Variants in DLGAP1 observed in about 807,000 individuals in gnomAD.
The protein encoded by DLGAP1 is DLG associated protein 1.
DLGAP1 carries 11 observed loss-of-function variants against 90.8 expected under a neutral mutation model. The ratio of observed to expected loss-of-function variants is 0.12; its 90% confidence interval spans 0.08 to 0.20. DLGAP1 has a LOEUF of 0.20. DLGAP1 is among the 10% of genes least tolerant of loss of function. DLGAP1 has a pLI of 1.00. For missense variants in DLGAP1, 1,050 were observed against 1,333.8 expected, an observed-to-expected ratio of 0.79 and a Z score of 3.31; for synonymous variants, 558 against 540.7, an observed-to-expected ratio of 1.03 and a Z score of -0.44.
At chr18:3,618,773 C>T (rs2057981242) in intron 7 of DLGAP1, among the ~76,000 whole-genome samples, 1 of 149,040 alleles carries the variant, frequency 6.7e-6, no homozygotes, top group South Asian at 2.2e-4. Flanking sequence ...CCCGTCTCTA[C>T]TAAAAATACA....
At chr18:3,948,285 G>A (rs1167529307) in intron 3 of DLGAP1, among the ~76,000 whole-genome samples, 2 of 151,574 alleles carry the variant, frequency 1.3e-5, no homozygotes, top group Non-Finnish European at 2.9e-5. Context: ...TGCTGTGAAT[G>A]ATGCCAGAGA....
chr18:3,974,689 T>C (rs1202216592), intron 3 of DLGAP1, among the ~76,000 whole-genome samples: 1 of 152,118 alleles, frequency 6.6e-6, no homozygotes, highest in Admixed American at 6.6e-5. Context: ...ATTGAAAACA[T>C]TCAATGTCAA....
At chr18:4,002,851 G>A (rs187204987) in intron 3 of DLGAP1, among the ~76,000 whole-genome samples, 58 of 152,244 alleles carry the variant, frequency 3.8e-4, no homozygotes, top group African/African-American at 1.3e-3. Context: ...ACAGTTCAGG[G>A]ATCTATTGAT....
intron 1 of DLGAP1, among the ~76,000 whole-genome samples, chr18:4,327,876 C>T (rs941758865): frequency 1.3e-5 from 2 of 151,914 alleles, no homozygotes; most frequent in Non-Finnish European, 2.9e-5. Context: ...TCAGTATATA[C>T]CATGCCGACA....
At chr18:3,874,646 T>G in intron 4 of DLGAP1, 1 of 1,535,524 alleles carries the variant, frequency 6.5e-7, no homozygotes, top group Non-Finnish European at 8.7e-7. Flanking sequence ...TTATTCCAAA[T>G]GTATAAGAGC....
chr18:3,615,722 T>C (rs1420907031), intron 7 of DLGAP1, among the ~76,000 whole-genome samples: 1 of 152,200 alleles, frequency 6.6e-6, no homozygotes, highest in Non-Finnish European at 1.5e-5. Context: ...GGAGACACCC[T>C]GACAGCCTGT....
At chr18:4,117,321 A>G (rs1425421101) in intron 2 of DLGAP1, among the ~76,000 whole-genome samples, 1 of 152,174 alleles carries the variant, frequency 6.6e-6, no homozygotes, top group Non-Finnish European at 1.5e-5. Flanking sequence ...ACAGGGTCAC[A>G]TTTTCCTATT....
chr18:4,250,415 A>G (rs2078756385), intron 1 of DLGAP1, among the ~76,000 whole-genome samples: 1 of 152,190 alleles, frequency 6.6e-6, no homozygotes. Context: ...GCTGTGTCAC[A>G]CTGTTCCTCT....
intron 2 of DLGAP1, among the ~76,000 whole-genome samples, chr18:4,129,504 G>T (rs2144191663): frequency 6.6e-6 from 1 of 152,256 alleles, no homozygotes; most frequent in Admixed American, 6.5e-5. Flanking sequence ...AATGAAACTT[G>T]TCAGAAGCAC....
chr18:3,899,018 G>A (rs1468201703), intron 3 of DLGAP1, among the ~76,000 whole-genome samples: 9 of 152,202 alleles, frequency 5.9e-5, no homozygotes, highest in Admixed American at 1.3e-4. Context: ...TTCAATTTCC[G>A]TATGGCCACT....
At position 3,989,875 on chromosome 18, in the gene DLGAP1, T is replaced by G. The variant is rs545533019; in HGVS notation, c.-73+15241A>C. Reference sequence around the variant, plus strand: ...GACATTTATGCAGCCAAAAGACACATGAAAAAATGCTCATCATCACTGGCC... The same window carrying G: ...GACATTTATGCAGCCAAAAGACACAGGAAAAAATGCTCATCATCACTGGCC... On this transcript the variant is annotated intron_variant, in intron 3 of 12. Transcript: ENST00000315677. Among the ~76,000 whole-genome samples, 281 of 152,056 alleles carry G rather than the reference T, an allele frequency of 1.8e-3. 1 individual carries two copies. The highest frequency in any genetic ancestry group is 3.2e-3 in the Non-Finnish European group (216 of 67,980).
At chr18:3,559,087 G>A (rs901436307) in intron 9 of DLGAP1, among the ~76,000 whole-genome samples, 1 of 152,124 alleles carries the variant, frequency 6.6e-6, no homozygotes, top group African/African-American at 2.4e-5. Flanking sequence ...GCTGAAAATG[G>A]CAAATCCTAG....
chr18:3,690,171 C>G (rs342506), intron 7 of DLGAP1, among the ~76,000 whole-genome samples: 3 of 147,472 alleles, frequency 2.0e-5, no homozygotes, highest in Non-Finnish European at 4.5e-5. Context: ...ACTGCGGACT[C>G]GAACTCCTGG....
At chr18:3,636,276 T>C (rs1470322070) in intron 7 of DLGAP1, among the ~76,000 whole-genome samples, 1 of 151,538 alleles carries the variant, frequency 6.6e-6, no homozygotes, top group Non-Finnish European at 1.5e-5. Flanking sequence ...GGCTGTCTTT[T>C]ACACCTTTCA....
chr18:4,121,116 G>C (rs555771576), intron 2 of DLGAP1, among the ~76,000 whole-genome samples: 27 of 152,146 alleles, frequency 1.8e-4, no homozygotes, highest in East Asian at 7.7e-4. Flanking sequence ...GGGTGTGTGA[G>C]GTGGGATAGA....
chr18:3,652,549 C>A (rs1401904095), intron 7 of DLGAP1, among the ~76,000 whole-genome samples: 2 of 152,108 alleles, frequency 1.3e-5, no homozygotes, highest in East Asian at 1.9e-4. Flanking sequence ...TGGCTCACGG[C>A]CGTCTTGAAC....
At chr18:3,912,094 A>G (rs903237168) in intron 3 of DLGAP1, among the ~76,000 whole-genome samples, 10 of 152,228 alleles carry the variant, frequency 6.6e-5, no homozygotes, top group African/African-American at 2.2e-4. Context: ...AAGAAACAAC[A>G]AAGGATTTAT....
chr18:4,007,039 G>A (rs1374061795), intron 2 of DLGAP1, among the ~76,000 whole-genome samples: 3 of 152,182 alleles, frequency 2.0e-5, no homozygotes, highest in Non-Finnish European at 2.9e-5. Flanking sequence ...CTGTAGTGAG[G>A]AGTGAATGGG....
At chr18:3,556,398 C>G (rs566696389) in intron 9 of DLGAP1, among the ~76,000 whole-genome samples, 15 of 152,300 alleles carry the variant, frequency 9.8e-5, no homozygotes, top group African/African-American at 3.6e-4. Context: ...TTTCACTGCC[C>G]CAGACATCCT....
Sources: gnomAD v4.1 joint callset for allele counts (sites outside exome capture counted in the v4.1 genomes callset) on GRCh38, gnomAD v4.1.1 for gene constraint, MANE v1.5 for transcripts, NCBI Gene and HGNC (gene_info 2026-07-23, HGNC 2026-07-21) for gene names.